PTH2R: variants seen among roughly 807,000 people sequenced by gnomAD.
The protein encoded by PTH2R is PTH2 receptor.
In PTH2R, 59 loss-of-function variants were observed where a neutral mutation model predicts 60.3. The ratio of observed to expected loss-of-function variants is 0.98; its 90% CI spans 0.79 to 1.22. The LOEUF (loss-of-function observed/expected upper bound fraction) is 1.22. Ranked by LOEUF, PTH2R falls within the 50% of genes most tolerant of loss-of-function variation. PTH2R has a pLI of 0.00. For missense variants in PTH2R, 749 were observed against 682.6 expected, an observed-to-expected ratio of 1.10 and a Z score of -1.08; for synonymous variants, 256 against 243.8, an observed-to-expected ratio of 1.05 and a Z score of -0.47.
At chr2:208,493,167 T>A (rs2105914898) in intron 12 of PTH2R, 97 bp from the exon 13 acceptor site, 2 of 1,267,556 alleles carry the variant, frequency 1.6e-6, no homozygotes, top group East Asian at 5.2e-5. Flanking sequence ...CAATCAATGA[T>A]TATTGCTGTC....
chr2:208,457,255 G>A (rs1702533346), intron 8 of PTH2R, among the ~76,000 whole-genome samples: 1 of 152,172 alleles, frequency 6.6e-6, no homozygotes, highest in South Asian at 2.1e-4. Context: ...CAGTAACATT[G>A]TCTTTTATCT....
intron 1 of PTH2R, among the ~76,000 whole-genome samples, chr2:208,422,308 A>G (rs1227084387): frequency 6.6e-6 from 1 of 152,228 alleles, no homozygotes; most frequent in East Asian, 1.9e-4. Flanking sequence ...AGACAGACAC[A>G]TAGACACACC....
chr2:208,398,729 A>G (rs769754411), intron 1 of PTH2R, among the ~76,000 whole-genome samples: 1 of 152,168 alleles, frequency 6.6e-6, no homozygotes, highest in South Asian at 2.1e-4. Context: ...TTTATTTACT[A>G]TCTCGATTTT....
At position 208,493,820 on chromosome 2, in the gene PTH2R, A is replaced by G. The variant is rs1703469125; in HGVS notation, c.*161A>G. On this transcript the variant is annotated 3_prime_UTR_variant, in exon 13 of 13. Transcript: ENST00000272847. ...CATGAATTGGCTCCTGTAAATACTA[A>G]CGACATGAAAATGCAAGTGTCAATG... The G allele has an allele frequency of 4.4e-6, 3 of 678,180 alleles. No homozygotes were observed. Among genetic ancestry groups the G allele is most frequent in the Non-Finnish European group, 4.5e-6 (2 of 445,648 alleles). 42.0% of individuals were successfully genotyped at this position (678,180 alleles called of 1,614,324 possible). A position where few individuals can be genotyped will look rare whatever the true frequency, so the allele number is the denominator to read the frequency against.
chr2:208,405,252 C>T (rs368766704), upstream of PTH2R, among the ~76,000 whole-genome samples: 8 of 151,858 alleles, frequency 5.3e-5, no homozygotes, highest in East Asian at 1.2e-3. Context: ...AATTATGAAA[C>T]GGTAGAAAAG....
At chr2:208,429,618 A>G (rs1411233955) in intron 2 of PTH2R, among the ~76,000 whole-genome samples, 6 of 152,070 alleles carry the variant, frequency 3.9e-5, no homozygotes. Context: ...AAATGTTTTA[A>G]TTGTGATAAA....
intron 1 of PTH2R, among the ~76,000 whole-genome samples, chr2:208,418,124 T>TA (rs1701679092): frequency 1.3e-5 from 2 of 152,058 alleles, no homozygotes; most frequent in South Asian, 2.1e-4. Context: ...CTTAGCATAA[T>TA]AAAAATATCC....
chr2:208,409,771 A>G (rs1701502461), intron 1 of PTH2R, among the ~76,000 whole-genome samples: 1 of 152,202 alleles, frequency 6.6e-6, no homozygotes, highest in African/African-American at 2.4e-5. Context: ...TTCATACATC[A>G]TTACAGAGCC....
At chr2:208,404,769 G>A (rs935624444), upstream of PTH2R, among the ~76,000 whole-genome samples, 3 of 152,064 alleles carry the variant, frequency 2.0e-5, no homozygotes, top group Admixed American at 1.3e-4. Flanking sequence ...AGAAGTACCC[G>A]TGTTTGAATG....
intron 1 of PTH2R, among the ~76,000 whole-genome samples, chr2:208,389,928 G>T (rs367871496): frequency 3.9e-5 from 6 of 152,238 alleles, no homozygotes; most frequent in Admixed American, 1.3e-4. Flanking sequence ...ATTAGCAAAC[G>T]TTATAGAAGG....
intron 1 of PTH2R, among the ~76,000 whole-genome samples, chr2:208,426,909 T>G (rs10208063): frequency 2.0e-5 from 3 of 152,176 alleles, no homozygotes; most frequent in African/African-American, 4.8e-5. Context: ...TTTAGCACAT[T>G]CTGATCATAC....
At chr2:208,442,811 CA>C in intron 5 of PTH2R, among the ~76,000 whole-genome samples, 1 of 152,206 alleles carries the variant, frequency 6.6e-6, no homozygotes, top group African/African-American at 2.4e-5. Flanking sequence ...TGGATACCAG[CA>C]CATAAAGAAA....
At chr2:208,391,234 C>G (rs547747771) in intron 1 of PTH2R, among the ~76,000 whole-genome samples, 1 of 152,082 alleles carries the variant, frequency 6.6e-6, no homozygotes, top group African/African-American at 2.4e-5. Context: ...AGACGTTTCT[C>G]GATTTAATAG....
intron 10 of PTH2R, among the ~76,000 whole-genome samples, chr2:208,483,374 G>T (rs1490312243): frequency 6.6e-6 from 1 of 152,178 alleles, no homozygotes; most frequent in Non-Finnish European, 1.5e-5. Context: ...TCTTCATAAA[G>T]TGGAAGAGTG....
rs60719288 is a variant in PTH2R at position 208,381,500 on chromosome 2, G to A, written c.-259+21263G>A. The stretch of plus-strand genomic sequence containing the variant: ...TGCAGTGGCACAATCATAGCTCACT[G>A]CAGCCTCAAACTCTTGGGCTTAAGT... On this transcript the variant is annotated intron_variant, in intron 1 of 12. Transcript: ENST00000617735. Among the ~76,000 whole-genome samples, 997 of 152,176 alleles carry A rather than the reference G, an allele frequency of 6.6e-3. 17 individuals carry two copies. The highest frequency in any genetic ancestry group is 0.023 in the African/African-American group (943 of 41,456).
At chr2:208,431,868 A>T (rs138969617) in intron 2 of PTH2R, among the ~76,000 whole-genome samples, 2 of 152,220 alleles carry the variant, frequency 1.3e-5, no homozygotes, top group Non-Finnish European at 2.9e-5. Flanking sequence ...TGCTGCTCCT[A>T]TATTTCTGGC....
At chr2:208,413,934 C>G (rs1323984661) in intron 1 of PTH2R, among the ~76,000 whole-genome samples, 1 of 152,144 alleles carries the variant, frequency 6.6e-6, no homozygotes, top group Non-Finnish European at 1.5e-5. Context: ...TCTTGCTTAT[C>G]TGGGAGGGAG....
At chr2:208,486,154 G>C (rs1490457203) in intron 10 of PTH2R, among the ~76,000 whole-genome samples, 1 of 152,210 alleles carries the variant, frequency 6.6e-6, no homozygotes, top group Non-Finnish European at 1.5e-5. Flanking sequence ...CAGGGTATGT[G>C]CCTGGACTCC....
At chr2:208,400,292 A>T (rs1701284185) in intron 1 of PTH2R, among the ~76,000 whole-genome samples, 1 of 152,228 alleles carries the variant, frequency 6.6e-6, no homozygotes, top group African/African-American at 2.4e-5. Context: ...ATTGACTTTG[A>T]TAGACCTTTT....
Sources: gnomAD v4.1 joint callset for allele counts (sites outside exome capture counted in the v4.1 genomes callset) on GRCh38, gnomAD v4.1.1 for gene constraint, MANE v1.5 for transcripts, NCBI Gene and HGNC (gene_info 2026-07-23, HGNC 2026-07-21) for gene names.